Variants in GPR158 observed in about 807,000 individuals in gnomAD.
GPR158 encodes G protein-coupled receptor 158.
A neutral mutation model predicts 78.2 loss-of-function variants in GPR158; 30 were observed. The observed-to-expected ratio is 0.38, with a 90% CI of 0.29 to 0.52. GPR158 has a LOEUF of 0.52. GPR158 is among the 20% of genes least tolerant of loss of function. The probability of loss-of-function intolerance (pLI) is 0.83; values close to 1 mark genes in which losing one functional copy is unlikely to be tolerated. For synonymous variants in GPR158, 581 were observed against 591.1 expected (o/e 0.98, Z 0.25); for missense variants, 1,463 against 1,523.5 (o/e 0.96, Z 0.66).
chr10:25,193,885 T>TAAAA (rs111919496), intron 1 of GPR158, among the ~76,000 whole-genome samples: 4 of 115,686 alleles, frequency 3.5e-5, no homozygotes, highest in African/African-American at 1.1e-4. Flanking sequence ...GGTAAAGGGG[T>TAAAA]AAAAAAAAAA....
chr10:25,502,363 TATC>T (rs1467878938), intron 5 of GPR158, among the ~76,000 whole-genome samples: 7 of 152,150 alleles, frequency 4.6e-5, no homozygotes, highest in Non-Finnish European at 7.3e-5. Context: ...ATTTTACATT[TATC>T]ATCCTGTACA....
chr10:25,220,901 C>A, intron 1 of GPR158, 151 bp from the exon 2 acceptor site: 1 of 584,746 alleles, frequency 1.7e-6, no homozygotes, highest in Admixed American at 3.2e-5. Context: ...TACTGTGTGT[C>A]TTCTCTTGGT....
intron 2 of GPR158, among the ~76,000 whole-genome samples, chr10:25,319,883 G>T (rs370455478): frequency 6.7e-6 from 1 of 150,250 alleles, no homozygotes; most frequent in Non-Finnish European, 1.5e-5. Flanking sequence ...GAAAAATAAG[G>T]GTTCAAAATC....
chr10:25,198,564 C>G (rs927363997), intron 1 of GPR158, among the ~76,000 whole-genome samples: 4 of 152,104 alleles, frequency 2.6e-5, no homozygotes, highest in African/African-American at 2.4e-5. Context: ...GGGAAGATAA[C>G]TATTATTAAT....
chr10:25,513,407 C>A (rs1286459215), intron 5 of GPR158, among the ~76,000 whole-genome samples: 1 of 151,294 alleles, frequency 6.6e-6, no homozygotes, highest in Admixed American at 6.6e-5. Context: ...TTATTTGGAT[C>A]TTCTCTCTTG....
intron 2 of GPR158, among the ~76,000 whole-genome samples, chr10:25,392,238 C>T (rs1834309223): frequency 6.6e-6 from 1 of 152,188 alleles, no homozygotes; most frequent in Non-Finnish European, 1.5e-5. Flanking sequence ...GGAGCCAGTG[C>T]CCTTGCCAGT....
chr10:25,252,948 G>C (rs1853831240), intron 2 of GPR158, among the ~76,000 whole-genome samples: 1 of 152,220 alleles, frequency 6.6e-6, no homozygotes. Context: ...ACAGACTGCT[G>C]TGCTAGCAAT....
chr10:25,558,225 G>A (rs887809861), intron 6 of GPR158, among the ~76,000 whole-genome samples: 9 of 152,188 alleles, frequency 5.9e-5, no homozygotes, highest in Non-Finnish European at 1.0e-4. Context: ...ATGTGCGTGC[G>A]CACGTGAGTG....
At chr10:25,517,873 G>T (rs1836203699) in intron 5 of GPR158, among the ~76,000 whole-genome samples, 1 of 143,502 alleles carries the variant, frequency 7.0e-6, no homozygotes, top group African/African-American at 2.7e-5. Flanking sequence ...GTATCAGAAT[G>T]ATGCTGGCCT....
chr10:25,310,996 G>A lies in GPR158; in HGVS notation c.1009-84915G>A, dbSNP rs142953222. On this transcript the variant is annotated intron_variant, in intron 2 of 10. Coordinates refer to ENST00000376351, the MANE Select transcript of GPR158 (RefSeq NM_020752.3). ...TTTAGCCCCAGTAATCTGAGAGCTC[G>A]CCTTTATCATTTACTGAAATTCTAT... 3.6e-4 allele frequency among the ~76,000 whole-genome samples: 54 copies of A among 152,010 alleles called. No homozygotes were observed. In the South Asian group the frequency reaches 4.4e-3, roughly 12 times the overall value.
intron 2 of GPR158, among the ~76,000 whole-genome samples, chr10:25,257,913 C>T (rs1269894881): frequency 6.6e-6 from 1 of 152,140 alleles, no homozygotes; most frequent in African/African-American, 2.4e-5. Context: ...ATGAAAAATC[C>T]TCCACATTCT....
intron 1 of GPR158, among the ~76,000 whole-genome samples, chr10:25,185,772 G>A (rs539086264): frequency 2.0e-4 from 31 of 151,832 alleles, no homozygotes; most frequent in Non-Finnish European, 1.9e-4. Flanking sequence ...GCAGTGAGCC[G>A]AGATGGCACC....
In GPR158 at chr10:25,176,343, G is replaced by A; in HGVS notation, c.902+21G>A. On this transcript the variant is annotated intron_variant, in intron 1 of 10. Transcript: ENST00000376351. This position sits in a 1 kb window ranked among gnomAD's most constrained non-coding sequence, Gnocchi z 6.3. Reference sequence around the variant, plus strand: ...TTCAGGTAGGGAGGGCCGGGGGGCAGGGGGGAAGGCAAAAGCGAAGCTTTC... The same window carrying A: ...TTCAGGTAGGGAGGGCCGGGGGGCAAGGGGGAAGGCAAAAGCGAAGCTTTC... 1 of 1,528,298 alleles carries A rather than the reference G, an allele frequency of 6.5e-7. No individual in the cohort carries two copies. The highest frequency in any genetic ancestry group is 2.3e-5 in the East Asian group (1 of 44,120). The allele number at this position is 1,528,298 out of a possible 1,614,324, so 94.7% of individuals were successfully genotyped here. A position where few individuals can be genotyped will look rare whatever the true frequency, so the allele number is the denominator to read the frequency against.
chr10:25,300,045 A>G (rs1418246748), intron 2 of GPR158, among the ~76,000 whole-genome samples: 1 of 152,212 alleles, frequency 6.6e-6, no homozygotes, highest in Non-Finnish European at 1.5e-5. Flanking sequence ...GGTGTGAGCC[A>G]CCATGCCCAG....
intron 2 of GPR158, among the ~76,000 whole-genome samples, chr10:25,327,410 C>T (rs562620608): frequency 1.3e-5 from 2 of 152,290 alleles, no homozygotes; most frequent in African/African-American, 4.8e-5. Flanking sequence ...AAATTTATTG[C>T]TGTGCTAAGC....
chr10:25,227,857 GTCT>G (rs1853396324), intron 2 of GPR158, among the ~76,000 whole-genome samples: 1 of 152,162 alleles, frequency 6.6e-6, no homozygotes, highest in Admixed American at 6.5e-5. Context: ...TAAAAGAGAA[GTCT>G]TCACACATAT....
At chr10:25,594,250 A>C in intron 8 of GPR158, 42 bp from the exon 9 acceptor site, 1 of 967,878 alleles carries the variant, frequency 1.0e-6, no homozygotes. Context: ...TCTAAGTAGA[A>C]TCTTAATCTT....
chr10:25,372,033 A>G (rs1834001433), intron 2 of GPR158, among the ~76,000 whole-genome samples: 1 of 151,908 alleles, frequency 6.6e-6, no homozygotes, highest in African/African-American at 2.4e-5. Context: ...AACCCCGTCA[A>G]AAAGTGGGCG....
rs377758962 is a variant in GPR158, at chr10:25,320,645, C to A, written c.1009-75266C>A. On this transcript the variant is annotated intron_variant, in intron 2 of 10. Coordinates refer to ENST00000376351, the MANE Select transcript of GPR158 (RefSeq NM_020752.3). ...TATGGCCTTAATCTAAAATGTGAGTCACAAAATTGTTGCTATTTGTCTCTA... is the reference window on the plus strand; with the variant it reads ...TATGGCCTTAATCTAAAATGTGAGTAACAAAATTGTTGCTATTTGTCTCTA... Among the ~76,000 whole-genome samples the A allele has an allele frequency of 2.0e-5, 3 of 152,252 alleles. No homozygotes were observed. The South Asian group carries it at 6.2e-4, about 32-fold the overall frequency.
Sources: allele counts gnomAD v4.1 joint callset (sites outside exome capture counted in the v4.1 genomes callset), GRCh38; gene constraint gnomAD v4.1.1; non-coding constraint Gnocchi (gnomAD v3.1); transcripts MANE v1.5; gene names NCBI Gene and HGNC (gene_info 2026-07-23, HGNC 2026-07-21).